Variants in ABCB1 observed in about 807,000 individuals in gnomAD.
ABCB1 encodes the protein ATP binding cassette subfamily B member 1, also known as ATP-dependent translocase ABCB1.
Under a neutral mutation model 142.0 loss-of-function variants are expected in ABCB1, and 69 were observed. That is an observed-to-expected ratio of 0.49 (90% confidence interval 0.40 to 0.59). The LOEUF is 0.59. Among genes scored for constraint, ABCB1 ranks in the 20% least tolerant of loss-of-function variants. The pLI, the probability that ABCB1 is intolerant of heterozygous loss-of-function variation, is 0.00. For missense variants in ABCB1, 1,326 were observed against 1,554.7 expected (o/e 0.85, Z 2.47); for synonymous variants, 532 against 539.2 (o/e 0.99, Z 0.18).
intron 1 of ABCB1, among the ~76,000 whole-genome samples, chr7:87,670,677 G>A (rs2130515597): frequency 6.6e-6 from 1 of 152,298 alleles, no homozygotes; most frequent in South Asian, 2.1e-4. Flanking sequence ...ACCAGGCCAA[G>A]GCTTTGTGCA....
At chr7:87,583,345 CCAGG>C (rs1186019476) in intron 4 of ABCB1, among the ~76,000 whole-genome samples, 2 of 152,088 alleles carry the variant, frequency 1.3e-5, no homozygotes, top group African/African-American at 4.8e-5. Flanking sequence ...GGTTTTTGAG[CCAGG>C]CAGTCCAACT....
chr7:87,572,359 T>C (rs1030822280), intron 4 of ABCB1, among the ~76,000 whole-genome samples: 2 of 152,226 alleles, frequency 1.3e-5, no homozygotes, highest in Non-Finnish European at 2.9e-5. Context: ...TGATGTCTTC[T>C]AAGTCTACAG....
intron 1 of ABCB1, among the ~76,000 whole-genome samples, chr7:87,620,259 C>G (rs541653545): frequency 1.3e-5 from 2 of 151,996 alleles, no homozygotes; most frequent in African/African-American, 4.8e-5. Context: ...CTTGCGGGTT[C>G]AAGTAATTCT....
intron 21 of ABCB1, chr7:87,521,938 G>A: frequency 1.3e-6 from 1 of 784,602 alleles, no homozygotes; most frequent in Admixed American, 1.7e-5. Flanking sequence ...TGACTCCATG[G>A]GTAAGACTGT....
intron 1 of ABCB1, among the ~76,000 whole-genome samples, chr7:87,673,291 G>T (rs1195467394): frequency 6.6e-6 from 1 of 152,126 alleles, no homozygotes; most frequent in Non-Finnish European, 1.5e-5. Context: ...ACATTTTCAT[G>T]GTTGTTATCC....
chr7:87,634,521 C>T (rs1010025034), intron 1 of ABCB1, among the ~76,000 whole-genome samples: 27 of 147,368 alleles, frequency 1.8e-4, no homozygotes, highest in Admixed American at 8.1e-4. Flanking sequence ...GTAATTCCAG[C>T]GGGAGGCTGA....
rs572656713 is a variant in ABCB1 at position 87,596,017 on chromosome 7, G to T, written c.69-203C>A. Among the ~76,000 whole-genome samples the T allele has an allele frequency of 2.0e-5, 3 of 152,040 alleles. No individual in the cohort carries two copies. The East Asian group carries it at 5.8e-4, about 29-fold the overall frequency. ...ACATATATCTTAGAAATCTACATACGTGGTTATCACTGAGTGCTGGAATCT... is the reference window on the plus strand; with the variant it reads ...ACATATATCTTAGAAATCTACATACTTGGTTATCACTGAGTGCTGGAATCT... On this transcript the variant is annotated intron_variant, in intron 2 of 27. Coordinates refer to ENST00000622132, the MANE Select transcript of ABCB1 (RefSeq NM_001348946.2).
intron 25 of ABCB1, among the ~76,000 whole-genome samples, chr7:87,514,370 CT>C (rs564357223): frequency 3.0e-4 from 45 of 152,264 alleles, no homozygotes; most frequent in African/African-American, 9.4e-4. Context: ...CCTAGTTTGT[CT>C]TCTTTCCTAT....
At chr7:87,608,676 C>T (rs1481471796) in intron 1 of ABCB1, among the ~76,000 whole-genome samples, 2 of 152,022 alleles carry the variant, frequency 1.3e-5, no homozygotes, top group African/African-American at 4.8e-5. Flanking sequence ...TTTTTTTTAT[C>T]GTTTTATGAT....
Position 87,626,023 on chromosome 7 carries a change from TAGAG to T in ABCB1, c.-330-24949_-330-24946del, listed in dbSNP as rs201541879. 8.7e-3 allele frequency among the ~76,000 whole-genome samples: 995 copies of T among 114,490 alleles called. 41 individuals are homozygous for T. Among genetic ancestry groups the T allele is most frequent in the African/African-American group, 0.033 (858 of 26,386 alleles). The allele number at this position is 114,490 out of a possible 152,430, so 75.1% of individuals were successfully genotyped here. A position where few individuals can be genotyped will look rare whatever the true frequency, so the allele number is the denominator to read the frequency against. On this transcript the variant is annotated intron_variant, in intron 1 of 28. Coordinates refer to the ABCB1 transcript ENST00000265724. ...ATGTATATGTACATATATATATATA[TAGAG>T]AGAGAGAGAGAGAGAGAGATGGAGT...
At chr7:87,592,394 C>T (rs1034626445) in intron 3 of ABCB1, among the ~76,000 whole-genome samples, 1 of 152,166 alleles carries the variant, frequency 6.6e-6, no homozygotes, top group African/African-American at 2.4e-5. Flanking sequence ...ATTATTGCAG[C>T]TGTGAAGCTC....
chr7:87,634,497 G>T (rs560444146), intron 1 of ABCB1, among the ~76,000 whole-genome samples: 2 of 130,648 alleles, frequency 1.5e-5, no homozygotes, highest in South Asian at 5.5e-4. Flanking sequence ...TGGGGGGTGG[G>T]GGGGGGGGCA....
intron 3 of ABCB1, among the ~76,000 whole-genome samples, chr7:87,589,470 T>A (rs1262569817): frequency 1.3e-5 from 2 of 151,958 alleles, no homozygotes; most frequent in African/African-American, 4.8e-5. Flanking sequence ...AAGTATAAAC[T>A]AATTGTAATA....
intron 1 of ABCB1, among the ~76,000 whole-genome samples, chr7:87,612,336 C>T (rs1036569487): frequency 3.9e-5 from 6 of 152,054 alleles, no homozygotes; most frequent in Non-Finnish European, 8.8e-5. Flanking sequence ...ATTCTTTGCC[C>T]AGGCCAATGT....
chr7:87,685,371 T>C lies in ABCB1; in HGVS notation c.-331+27790A>G, dbSNP rs567559528. Among the ~76,000 whole-genome samples the C allele has an allele frequency of 4.3e-4, 66 of 152,252 alleles. 1 individual carries two copies. The highest frequency in any genetic ancestry group is 1.5e-3 in the African/African-American group (64 of 41,544). On this transcript the variant is annotated intron_variant, in intron 1 of 28. Coordinates refer to the ABCB1 transcript ENST00000265724. ...TCATTAGTAATTAGGAAAATGCAAA[T>C]TCAAACCATATTAGGTAGCACTACA...
At chr7:87,538,997 C>T (rs1816409844) in intron 19 of ABCB1, among the ~76,000 whole-genome samples, 1 of 152,152 alleles carries the variant, frequency 6.6e-6, no homozygotes, top group Non-Finnish European at 1.5e-5. Context: ...CCTGCACTGC[C>T]CACCACTGCT....
chr7:87,537,421 T>C (rs1816347247), intron 19 of ABCB1, among the ~76,000 whole-genome samples: 1 of 152,196 alleles, frequency 6.6e-6, no homozygotes, highest in South Asian at 2.1e-4. Context: ...ATCTACAGGA[T>C]TGGGATAAAA....
intron 21 of ABCB1, among the ~76,000 whole-genome samples, chr7:87,525,382 G>T (rs1815738266): frequency 6.6e-6 from 1 of 152,080 alleles, no homozygotes; most frequent in Non-Finnish European, 1.5e-5. Flanking sequence ...CTACAATGGA[G>T]CCTTGGACAA....
chr7:87,589,000 T>A (rs1409587109), intron 3 of ABCB1, among the ~76,000 whole-genome samples: 1 of 152,202 alleles, frequency 6.6e-6, no homozygotes, highest in Non-Finnish European at 1.5e-5. Context: ...TTGTTTGTTT[T>A]TTCTTTGTAA....
Sources: gnomAD v4.1 joint callset for allele counts (sites outside exome capture counted in the v4.1 genomes callset) on GRCh38, gnomAD v4.1.1 for gene constraint, MANE v1.5 for transcripts, NCBI Gene and HGNC (gene_info 2026-07-23, HGNC 2026-07-21) for gene names.